Variants in HEATR4 observed in about 807,000 individuals in gnomAD.
HEATR4 encodes the protein HEAT repeat containing 4, also known as HEAT repeat-containing protein 4.
Under a neutral mutation model 108.8 loss-of-function variants are expected in HEATR4, and 95 were observed. The observed-to-expected ratio is 0.87, with a 90% CI of 0.74 to 1.04. The LOEUF (loss-of-function observed/expected upper bound fraction) is 1.04. Among genes scored for constraint, HEATR4 ranks in the 50% least tolerant of loss-of-function variants. HEATR4 has a pLI of 0.00. For missense variants in HEATR4, 1,152 were observed against 1,253.8 expected, an observed-to-expected ratio of 0.92 and a Z score of 1.23; for synonymous variants, 443 against 459.4, an observed-to-expected ratio of 0.96 and a Z score of 0.46.
chr14:73,615,388 T>TTAAAAAAAAAAAAAAA, the HEATR4 span, among the ~76,000 whole-genome samples: 1 of 63,338 alleles, frequency 1.6e-5, no homozygotes, highest in African/African-American at 1.0e-4. Context: ...CTCTGTCTGA[T>TTAAAAAAAAAAAAAAA]AAAAAAAAAA....
chr14:73,522,957 T>C lies in HEATR4; in HGVS notation c.196A>G (p.Met66Val). The change falls in exon 3 of 18, where the codon ATG (methionine) becomes GTG (valine). Residue 66 changes from methionine (M) to valine (V), a missense_variant. By Grantham distance (21) the Met-to-Val change is conservative (BLOSUM62 1). Transcript: ENST00000553558. ...GAGAAGGTAAGGTTTGCAGCAGCCA[T>C]TTTCAAATATTGGCTCTTGCGGTGT... ...RLHRKSQYLK[M>V]AAANLTFSQE... 6.2e-7 allele frequency: 1 copy of C among 1,614,216 alleles called. No homozygotes were observed. Among genetic ancestry groups the C allele is most frequent in the South Asian group, 1.1e-5 (1 of 91,086 alleles).
rs534303754 is a variant in HEATR4, at chr14:73,556,733, A to G, written c.-152+2018T>C. On this transcript the variant is annotated intron_variant, in intron 1 of 17. Coordinates refer to ENST00000553558, the MANE Select transcript of HEATR4 (RefSeq NM_001220484.1). ...CTGTTCTAATTTAGTGTTGATTGAT[A>G]TGAACCTCAAAATTAGAAACGTATG... Among the ~76,000 whole-genome samples the G allele has an allele frequency of 8.7e-5, 10 of 115,164 alleles. 4 individuals are homozygous for G. The South Asian group carries it at 2.8e-3, about 32-fold the overall frequency. 75.6% of individuals were successfully genotyped at this position (115,164 alleles called of 152,430 possible). A position where few individuals can be genotyped will look rare whatever the true frequency, so the allele number is the denominator to read the frequency against.
At position 73,551,163 on chromosome 14, in the gene HEATR4, C is replaced by CA. The variant is rs1193889398; in HGVS notation, c.-152+7587dup. Among the ~76,000 whole-genome samples the CA allele has an allele frequency of 5.0e-3, 416 of 83,192 alleles. 64 individuals are homozygous for CA. The highest frequency in any genetic ancestry group is 0.014 in the East Asian group (13 of 932). 54.6% of individuals were successfully genotyped at this position (83,192 alleles called of 152,430 possible). A position where few individuals can be genotyped will look rare whatever the true frequency, so the allele number is the denominator to read the frequency against. On this transcript the variant is annotated intron_variant, in intron 1 of 17. Transcript: ENST00000553558. The stretch of plus-strand genomic sequence containing the variant: ...TGAGTGACAGTGTGAGACTCCGTCT[C>CA]AAAAAAAAAAAAAAGAATGCAGTTT...
the HEATR4 span, among the ~76,000 whole-genome samples, chr14:73,633,013 T>TTG: frequency 2.0e-5 from 3 of 149,070 alleles, no homozygotes; most frequent in African/African-American, 7.4e-5. Context: ...CTCTCTTTTT[T>TTG]TTTTTTTTTG....
chr14:73,595,525 C>T, the HEATR4 span: 2 of 1,612,932 alleles, frequency 1.2e-6, no homozygotes, highest in Non-Finnish European at 1.7e-6. Context: ...GATTACTGAA[C>T]AAACATGTTA....
the HEATR4 span, among the ~76,000 whole-genome samples, chr14:73,630,758 G>C: frequency 6.6e-6 from 1 of 152,200 alleles, no homozygotes; most frequent in Admixed American, 6.5e-5. Context: ...TTAGGGAAAA[G>C]GAGTTCTGGT....
the HEATR4 span, among the ~76,000 whole-genome samples, chr14:73,609,257 T>C: frequency 6.6e-6 from 1 of 152,110 alleles, no homozygotes; most frequent in East Asian, 1.9e-4. Flanking sequence ...GCAGTGTGCA[T>C]CCAAAAGCTG....
chr14:73,589,962 G>A, the HEATR4 span, among the ~76,000 whole-genome samples: 3 of 152,108 alleles, frequency 2.0e-5, no homozygotes, highest in African/African-American at 2.4e-5. Context: ...TCGTGGTCTG[G>A]TAGGCTTCAG....
In HEATR4 at chr14:73,548,080, C is replaced by A. The variant is rs1157200146; in HGVS notation, c.-152+10671G>T. Among the ~76,000 whole-genome samples, 6 of 114,418 alleles carry A rather than the reference C, an allele frequency of 5.2e-5. 3 individuals carry two copies. Among genetic ancestry groups the A allele is most frequent in the African/African-American group, 1.7e-4 (6 of 35,214 alleles). The allele number at this position is 114,418 out of a possible 152,430, so 75.1% of individuals were successfully genotyped here. A position where few individuals can be genotyped will look rare whatever the true frequency, so the allele number is the denominator to read the frequency against. On this transcript the variant is annotated intron_variant, in intron 1 of 17. Transcript: ENST00000553558. Reference sequence around the variant, plus strand: ...AGTAGCTGAGACTATAGGCACTTGCCACCATGCCCAGCTAATTTTTAATTT... The same window carrying A: ...AGTAGCTGAGACTATAGGCACTTGCAACCATGCCCAGCTAATTTTTAATTT...
the HEATR4 span, chr14:73,612,434 G>A: frequency 3.7e-6 from 2 of 536,878 alleles, no homozygotes; most frequent in Non-Finnish European, 5.8e-6. Flanking sequence ...GCAGCGGCCT[G>A]GAGCCTGTCC....
At chr14:73,595,060 A>T in the HEATR4 span, 1 of 1,613,660 alleles carries the variant, frequency 6.2e-7, no homozygotes, top group South Asian at 1.1e-5. Flanking sequence ...TAAAAGGCCC[A>T]GGCATTGGGC....
chr14:73,622,687 C>A, the HEATR4 span, among the ~76,000 whole-genome samples: 3 of 152,214 alleles, frequency 2.0e-5, 1 homozygote, highest in South Asian at 2.1e-4. Flanking sequence ...CCATGAGCCA[C>A]CGCGCCTGGC....
chr14:73,633,007 C>CTCTCTT, the HEATR4 span, among the ~76,000 whole-genome samples: 1 of 122,078 alleles, frequency 8.2e-6, no homozygotes, highest in African/African-American at 3.2e-5. Context: ...CTCTCTCTCT[C>CTCTCTT]TTTTTTTTTT....
the HEATR4 span, among the ~76,000 whole-genome samples, chr14:73,598,722 G>A: frequency 1.1e-3 from 166 of 152,162 alleles, no homozygotes; most frequent in Non-Finnish European, 1.5e-3. Flanking sequence ...CAAAAATTAG[G>A]CCAGGCATTG....
chr14:73,567,654 C>G, the HEATR4 span: 1 of 152,078 alleles, frequency 6.6e-6, no homozygotes, highest in African/African-American at 2.4e-5. Flanking sequence ...CTGATGGAAG[C>G]TTTGTTCTTT....
chr14:73,491,044 G>A lies in HEATR4; in HGVS notation c.2844+2022C>T, dbSNP rs1885682156. ...TGGATGGGCTCCAGGCCAGTGCAGG[G>A]CCGTTGAGGCGCGGGCGGCCGAAGC... On this transcript the variant is annotated intron_variant, in intron 17 of 17. Coordinates refer to ENST00000553558, the MANE Select transcript of HEATR4 (RefSeq NM_001220484.1). The A allele has an allele frequency of 3.2e-6, 5 of 1,586,798 alleles. No individual in the cohort carries two copies. In the East Asian group the frequency reaches 9.2e-5, roughly 29 times the overall value.
chr14:73,573,313 GTA>G, the HEATR4 span: 3 of 1,599,578 alleles, frequency 1.9e-6, no homozygotes, highest in South Asian at 1.1e-5. Context: ...TGTGTGGTAA[GTA>G]TATGTTTAAC....
At chr14:73,495,453 A>G in intron 15 of HEATR4, 66 bp from the exon 16 acceptor site, 1 of 1,326,106 alleles carries the variant, frequency 7.5e-7, no homozygotes, top group East Asian at 2.3e-5. Context: ...CAAATTATCA[A>G]AAAACATTAA....
the HEATR4 span, chr14:73,616,951 G>C: frequency 1.8e-5 from 11 of 608,058 alleles, no homozygotes; most frequent in Non-Finnish European, 2.9e-5. Context: ...ACTGTCTTTT[G>C]AGAAACTAAA....
Sources: gnomAD v4.1 joint callset for allele counts (sites outside exome capture counted in the v4.1 genomes callset) on GRCh38, gnomAD v4.1.1 for gene constraint, MANE v1.5 for transcripts, NCBI Gene and HGNC (gene_info 2026-07-23, HGNC 2026-07-21) for gene names.